Variants in TBC1D14 observed in about 807,000 individuals in gnomAD.
TBC1D14 encodes TBC1 domain family member 14.
Under a neutral mutation model 79.0 loss-of-function variants are expected in TBC1D14, and 26 were observed. That is an observed-to-expected ratio of 0.33 (90% confidence interval 0.24 to 0.46). The LOEUF is 0.46. Ranked by LOEUF, TBC1D14 falls within the 20% of genes least tolerant of loss-of-function variation. The pLI, the probability that TBC1D14 is intolerant of heterozygous loss-of-function variation, is 1.00. For missense variants in TBC1D14, 769 were observed against 887.6 expected, an observed-to-expected ratio of 0.87 and a Z score of 1.70; for synonymous variants, 394 against 349.9, an observed-to-expected ratio of 1.13 and a Z score of -1.40.
At chr4:6,944,028 C>CGG (rs35603895) in intron 2 of TBC1D14, among the ~76,000 whole-genome samples, 4 of 151,996 alleles carry the variant, frequency 2.6e-5, no homozygotes, top group East Asian at 1.9e-4. Context: ...CGCGTTCTGC[C>CGG]GGGGGTTTGG....
chr4:6,978,968 G>A (rs996987130), intron 3 of TBC1D14, among the ~76,000 whole-genome samples: 8 of 152,204 alleles, frequency 5.3e-5, no homozygotes, highest in African/African-American at 1.9e-4. Context: ...TAATATGTAG[G>A]ACAAGTGAAA....
chr4:6,987,003 G>A (rs1215929756), intron 3 of TBC1D14, among the ~76,000 whole-genome samples: 1 of 152,244 alleles, frequency 6.6e-6, no homozygotes, highest in African/African-American at 2.4e-5. Context: ...CTTTAAGGCA[G>A]AAGCTGGCTC....
intron 1 of TBC1D14, among the ~76,000 whole-genome samples, chr4:6,913,851 A>G (rs1433121526): frequency 6.6e-6 from 1 of 152,200 alleles, no homozygotes; most frequent in East Asian, 1.9e-4. Flanking sequence ...TGTCCTGGCC[A>G]GGCGCTGTGG....
chr4:7,023,717 T>TC (rs1722057138), intron 12 of TBC1D14, among the ~76,000 whole-genome samples: 1 of 152,124 alleles, frequency 6.6e-6, no homozygotes, highest in South Asian at 2.1e-4. Context: ...GAGACCTGGG[T>TC]CCGTTTAGCT....
chr4:6,987,657 C>T (rs979101897), intron 3 of TBC1D14: 2 of 344,614 alleles, frequency 5.8e-6, no homozygotes, highest in Non-Finnish European at 1.0e-5. Flanking sequence ...TCCTTTGAGT[C>T]CTCCTTACCC....
intron 10 of TBC1D14, 67 bp downstream of exon 10, chr4:7,010,015 C>T (rs573986478): frequency 1.3e-5 from 20 of 1,560,910 alleles, no homozygotes; most frequent in Admixed American, 1.7e-5. Flanking sequence ...TTGTCCAGCA[C>T]GTGTTAGCTG....
intron 3 of TBC1D14, among the ~76,000 whole-genome samples, chr4:6,989,172 CCTT>C (rs1718224260): frequency 2.0e-5 from 3 of 152,138 alleles, no homozygotes; most frequent in Admixed American, 2.0e-4. Flanking sequence ...AGCCTCGTGC[CCTT>C]CTTGTCTTTA....
intron 2 of TBC1D14, among the ~76,000 whole-genome samples, chr4:6,940,754 C>T (rs187649539): frequency 6.9e-4 from 105 of 152,254 alleles, no homozygotes; most frequent in Non-Finnish European, 1.1e-3. Flanking sequence ...TCTGCCTGGC[C>T]GGCTGGGCGG....
At position 7,024,955 on chromosome 4, in the gene TBC1D14, T is replaced by G. The variant is rs1266292388; in HGVS notation, c.1758-49T>G. ...CAGACTGGAATTCACTGTTCTTTCT[T>G]TGTTAGGAGAGATTCAAAATCTGAA... is the stretch of plus-strand genomic sequence containing the variant. On this transcript the variant is annotated intron_variant, in intron 12 of 13. Transcript: ENST00000409757. 6 of 1,602,838 alleles carry G rather than the reference T, an allele frequency of 3.7e-6. No individual in the cohort carries two copies. In the South Asian group the frequency reaches 6.7e-5, roughly 18 times the overall value.
intron 3 of TBC1D14, among the ~76,000 whole-genome samples, chr4:6,985,374 CCT>C (rs938480744): frequency 4.6e-5 from 7 of 152,202 alleles, no homozygotes; most frequent in African/African-American, 1.7e-4. Context: ...ATAAAACACT[CCT>C]TTTTCTCACG....
intron 3 of TBC1D14, among the ~76,000 whole-genome samples, chr4:6,993,843 C>G (rs1166815914): frequency 2.0e-5 from 3 of 152,178 alleles, no homozygotes; most frequent in African/African-American, 7.2e-5. Flanking sequence ...AACCCCATCT[C>G]TACTAAAAAT....
intron 2 of TBC1D14, among the ~76,000 whole-genome samples, chr4:6,965,501 G>T (rs754711283): frequency 8.5e-5 from 13 of 152,152 alleles, no homozygotes; most frequent in Non-Finnish European, 1.5e-4. Flanking sequence ...CATTGACTTG[G>T]TGTGTTGTTC....
In TBC1D14 at chr4:7,030,463, G is replaced by A; in HGVS notation, c.*71G>A. On this transcript the variant is annotated 3_prime_UTR_variant, in exon 14 of 14. Coordinates refer to ENST00000409757, the MANE Select transcript of TBC1D14 (RefSeq NM_020773.3). ...CGCGGCCCCTCTGTTGTTTCAGACT[G>A]ACACCCGGGCAGCCGAGAAGAACAG... The A allele has an allele frequency of 6.6e-7, 1 of 1,517,544 alleles. No homozygotes were observed. Among genetic ancestry groups the A allele is most frequent in the Non-Finnish European group, 9.1e-7 (1 of 1,095,834 alleles). The allele number at this position is 1,517,544 out of a possible 1,614,324, so 94.0% of individuals were successfully genotyped here.
chr4:6,931,351 A>T (rs1711700498), intron 2 of TBC1D14, among the ~76,000 whole-genome samples: 1 of 152,238 alleles, frequency 6.6e-6, no homozygotes, highest in Non-Finnish European at 1.5e-5. Flanking sequence ...TGGTTTACAC[A>T]GCTGGGTTCT....
chr4:6,955,939 CT>C (rs1410404961), intron 2 of TBC1D14, among the ~76,000 whole-genome samples: 1 of 152,140 alleles, frequency 6.6e-6, no homozygotes, highest in Non-Finnish European at 1.5e-5. Flanking sequence ...TCCTACCTTC[CT>C]CTTGGTTAAG....
At chr4:6,978,626 A>G (rs55723847) in intron 3 of TBC1D14, among the ~76,000 whole-genome samples, 1 of 139,548 alleles carries the variant, frequency 7.2e-6, no homozygotes, top group African/African-American at 2.9e-5. Flanking sequence ...GGTCCTCTGC[A>G]TAGGAAAACC....
At chr4:7,007,552 G>A in intron 9 of TBC1D14, 6 of 1,289,344 alleles carry the variant, frequency 4.7e-6, no homozygotes, top group Non-Finnish European at 6.1e-6. Context: ...TTCCGTGTGG[G>A]TCTTCAGAAA....
chr4:6,988,770 C>T lies in TBC1D14; in HGVS notation c.844-5414C>T, dbSNP rs139673980. Reference sequence around the variant, plus strand: ...CTGGAAGTCAGGGGGCTTCCAGTAGCAGGTTATTGACATCATTGGCTGTTT... The same window carrying T: ...CTGGAAGTCAGGGGGCTTCCAGTAGTAGGTTATTGACATCATTGGCTGTTT... On this transcript the variant is annotated intron_variant, in intron 3 of 13. Transcript: ENST00000409757. 3.5e-3 allele frequency among the ~76,000 whole-genome samples: 533 copies of T among 152,106 alleles called. 5 individuals are homozygous for T. The highest frequency in any genetic ancestry group is 0.012 in the African/African-American group (499 of 41,494).
chr4:6,919,145 A>G (rs1723630472), intron 1 of TBC1D14, among the ~76,000 whole-genome samples: 1 of 150,712 alleles, frequency 6.6e-6, no homozygotes, highest in Admixed American at 6.6e-5. Context: ...CACCTGGGTA[A>G]TTTCACCTTT....
Sources: gnomAD v4.1 joint callset for allele counts (sites outside exome capture counted in the v4.1 genomes callset) on GRCh38, gnomAD v4.1.1 for gene constraint, MANE v1.5 for transcripts, NCBI Gene and HGNC (gene_info 2026-07-23, HGNC 2026-07-21) for gene names.